The following DNAJC8 variants were observed in gnomAD, a reference collection of about 807,000 sequenced individuals.
DNAJC8 encodes the protein DnaJ heat shock protein family (Hsp40) member C8.
A neutral mutation model predicts 43.2 loss-of-function variants in DNAJC8; 24 were observed. The ratio of observed to expected loss-of-function variants is 0.56; its 90% CI spans 0.40 to 0.78. DNAJC8 has a LOEUF of 0.78. Among genes scored for constraint, DNAJC8 ranks in the 30% least tolerant of loss-of-function variants. The probability of loss-of-function intolerance (pLI) is 0.00; values close to 1 mark genes in which losing one functional copy is unlikely to be tolerated. For missense variants in DNAJC8, 207 were observed against 299.4 expected (o/e 0.69, Z 2.28); for synonymous variants, 83 against 98.0 (o/e 0.85, Z 0.90).
chr1:28,227,592 AAAAAT>A (rs1273591036), intron 2 of DNAJC8, among the ~76,000 whole-genome samples: 1 of 151,844 alleles, frequency 6.6e-6, no homozygotes, highest in Non-Finnish European at 1.5e-5. Context: ...CCTGTCTCAA[AAAAAT>A]AAAATAAAAT....
In DNAJC8 at chr1:28,201,204, G is replaced by T; in HGVS notation, c.*44C>A. On this transcript the variant is annotated 3_prime_UTR_variant, in exon 9 of 9. Transcript: ENST00000263697. Reference sequence around the variant, plus strand: ...AAGAATGAGTCCTTCGAAGCAGGAAGGGAGATAGCAGGGGAAAGGTTCTGT... The same window carrying T: ...AAGAATGAGTCCTTCGAAGCAGGAATGGAGATAGCAGGGGAAAGGTTCTGT... 6.2e-7 allele frequency: 1 copy of T among 1,609,926 alleles called. No individual in the cohort carries two copies. Among genetic ancestry groups the T allele is most frequent in the South Asian group, 1.1e-5 (1 of 90,936 alleles).
At chr1:28,224,421 T>A (rs1260984295) in intron 2 of DNAJC8, among the ~76,000 whole-genome samples, 1 of 151,974 alleles carries the variant, frequency 6.6e-6, no homozygotes, top group Non-Finnish European at 1.5e-5. Context: ...GGGCACTCCA[T>A]CACACCCGGT....
At position 28,201,663 on chromosome 1, in the gene DNAJC8, C is replaced by T. The variant is rs1286254519; in HGVS notation, c.640-293G>A. Among the ~76,000 whole-genome samples, 3 of 151,976 alleles carry T rather than the reference C, an allele frequency of 2.0e-5. No homozygotes were observed. The East Asian group carries it at 5.8e-4, about 29-fold the overall frequency. ...AATTAGCCGGGCGTGGTGGCAGGTG[C>T]CTGTAATCCCAGCTACTCGGGAGGC... On this transcript the variant is annotated intron_variant, in intron 8 of 8. Coordinates refer to ENST00000263697, the MANE Select transcript of DNAJC8 (RefSeq NM_014280.3).
At chr1:28,206,509 C>T (rs6662708) in intron 6 of DNAJC8, among the ~76,000 whole-genome samples, 9,132 of 152,070 alleles carry the variant, frequency 0.06, 304 homozygotes, top group Middle Eastern at 0.092. Flanking sequence ...ATATTCCAGC[C>T]GGGGTGACAA....
chr1:28,204,916 A>G (rs1646758936), intron 7 of DNAJC8, among the ~76,000 whole-genome samples: 1 of 152,148 alleles, frequency 6.6e-6, no homozygotes, highest in South Asian at 2.1e-4. Context: ...CCAGCTACTC[A>G]GGAGGCTGAG....
intron 2 of DNAJC8, among the ~76,000 whole-genome samples, chr1:28,215,640 C>T (rs556560976): frequency 7.9e-5 from 12 of 150,952 alleles, no homozygotes; most frequent in African/African-American, 2.7e-4. Context: ...GCGGTTCAAG[C>T]GATTTTCCTG....
chr1:28,220,356 A>G (rs1646890529), intron 2 of DNAJC8, among the ~76,000 whole-genome samples: 1 of 152,234 alleles, frequency 6.6e-6, no homozygotes, highest in South Asian at 2.1e-4. Context: ...ACCAACTTGT[A>G]GAGCACAAAA....
At chr1:28,205,542 A>T (rs1646762684) in intron 6 of DNAJC8, among the ~76,000 whole-genome samples, 193 bp from the exon 7 acceptor site, 1 of 152,196 alleles carries the variant, frequency 6.6e-6, no homozygotes, top group South Asian at 2.1e-4. Flanking sequence ...TAAGAGCTTG[A>T]CTGCCCTGGC....
intron 2 of DNAJC8, among the ~76,000 whole-genome samples, chr1:28,223,388 A>C (rs1044632250): frequency 2.0e-5 from 3 of 152,094 alleles, no homozygotes; most frequent in African/African-American, 4.8e-5. Flanking sequence ...AGAAAGCCAG[A>C]GAGCCACATG....
In DNAJC8 at chr1:28,200,842, G is replaced by A. The variant is rs183137697; in HGVS notation, c.*406C>T. ...CTGAAGCGAAGGGGCTTCCTAAGGT[G>A]CCCCTTCCAGGCTTGTCTCTGAAGT... On this transcript the variant is annotated 3_prime_UTR_variant, in exon 9 of 9. Transcript: ENST00000263697. 152 of 361,300 alleles carry A rather than the reference G, an allele frequency of 4.2e-4. No homozygotes were observed. Among genetic ancestry groups the A allele is most frequent in the African/African-American group, 3.2e-3 (150 of 46,914 alleles). 22.4% of individuals were successfully genotyped at this position (361,300 alleles called of 1,614,324 possible).
At chr1:28,207,505 G>A (rs980581656) in intron 6 of DNAJC8, among the ~76,000 whole-genome samples, 12 of 151,314 alleles carry the variant, frequency 7.9e-5, no homozygotes, top group Admixed American at 5.9e-4. Context: ...GTGCAGTGGC[G>A]CGATCTTGGC....
chr1:28,207,759 A>T (rs183208226), intron 6 of DNAJC8, among the ~76,000 whole-genome samples: 9,071 of 151,450 alleles, frequency 0.06, 301 homozygotes, highest in Middle Eastern at 0.092. Flanking sequence ...ATGTTTTTTT[A>T]AAAAATAAAA....
chr1:28,215,995 G>C (rs1157374437), intron 2 of DNAJC8, among the ~76,000 whole-genome samples: 1 of 152,092 alleles, frequency 6.6e-6, no homozygotes, highest in African/African-American at 2.4e-5. Flanking sequence ...GAGCAACTAG[G>C]ACTGTAAGTA....
chr1:28,224,808 C>T (rs564053414), intron 2 of DNAJC8, among the ~76,000 whole-genome samples: 5 of 152,150 alleles, frequency 3.3e-5, no homozygotes, highest in South Asian at 2.1e-4. Flanking sequence ...CACTTGAACC[C>T]GTGAGGCGGA....
chr1:28,200,326 T>G lies in DNAJC8; in HGVS notation c.*922A>C, dbSNP rs1436023067. 2.8e-6 allele frequency: 1 copy of G among 363,548 alleles called. No individual in the cohort carries two copies. The highest frequency in any genetic ancestry group is 2.1e-5 in the African/African-American group (1 of 46,792). The allele number at this position is 363,548 out of a possible 1,614,324, so 22.5% of individuals were successfully genotyped here. On this transcript the variant is annotated 3_prime_UTR_variant, in exon 9 of 9. Transcript: ENST00000263697. ...CCTCAAAACAATCAGTATCTTCATT[T>G]TACACAGAAATAATAGGATATTGGC...
intron 2 of DNAJC8, among the ~76,000 whole-genome samples, chr1:28,228,505 G>T (rs184427786): frequency 6.6e-6 from 1 of 151,872 alleles, no homozygotes; most frequent in African/African-American, 2.4e-5. Context: ...AGTTCTGCTC[G>T]GTACAATCAC....
At chr1:28,230,739 C>G (rs994031934) in intron 1 of DNAJC8, among the ~76,000 whole-genome samples, 2 of 152,206 alleles carry the variant, frequency 1.3e-5, no homozygotes, top group Admixed American at 1.3e-4. Context: ...CTCCTGGGCT[C>G]AAGTCATCCT....
In DNAJC8 at chr1:28,203,826, G is replaced by A. The variant is rs756981279; in HGVS notation, c.564-4C>T. On this transcript the variant is annotated splice_polypyrimidine_tract_variant and splice_region_variant and intron_variant, in intron 7 of 8. Coordinates refer to ENST00000263697, the MANE Select transcript of DNAJC8 (RefSeq NM_014280.3). Reference sequence around the variant, plus strand: ...CTCTTCTTCCCTTTGTCGTTTCCTAGGAGGAAAACCAGATCATAGTATTTA... The same window carrying A: ...CTCTTCTTCCCTTTGTCGTTTCCTAAGAGGAAAACCAGATCATAGTATTTA... 6.2e-7 allele frequency: 1 copy of A among 1,613,810 alleles called. No individual in the cohort carries two copies. Among genetic ancestry groups the A allele is most frequent in the Non-Finnish European group, 8.5e-7 (1 of 1,179,912 alleles).
At chr1:28,231,000 A>G (rs1182710996) in intron 1 of DNAJC8, among the ~76,000 whole-genome samples, 1 of 152,216 alleles carries the variant, frequency 6.6e-6, no homozygotes, top group Non-Finnish European at 1.5e-5. Context: ...ACCCTGAGAA[A>G]GATGCTTCTG....
Sources: gnomAD v4.1 joint callset for allele counts (sites outside exome capture counted in the v4.1 genomes callset) on GRCh38, gnomAD v4.1.1 for gene constraint, MANE v1.5 for transcripts, NCBI Gene and HGNC (gene_info 2026-07-23, HGNC 2026-07-21) for gene names.